PTPRM: variants seen among roughly 807,000 people sequenced by gnomAD.
PTPRM encodes the protein receptor-type tyrosine-protein phosphatase mu.
Under a neutral mutation model 186.7 loss-of-function variants are expected in PTPRM, and 47 were observed. The observed-to-expected ratio is 0.25, with a 90% CI of 0.20 to 0.32. The LOEUF (loss-of-function observed/expected upper bound fraction) is 0.32. Among genes scored for constraint, PTPRM ranks in the 10% least tolerant of loss-of-function variants. The pLI is 1.00. For missense variants in PTPRM, 1,494 were observed against 1,865.0 expected (o/e 0.80, Z 3.66); for synonymous variants, 668 against 674.9 (o/e 0.99, Z 0.16).
chr18:7,783,344 G>C (rs778372385), intron 2 of PTPRM, among the ~76,000 whole-genome samples: 4 of 152,124 alleles, frequency 2.6e-5, no homozygotes, highest in Non-Finnish European at 5.9e-5. Context: ...AATTTACTGG[G>C]ACAGAGAAAC....
At chr18:8,370,323 C>T (rs551657199) in intron 23 of PTPRM, among the ~76,000 whole-genome samples, 4 of 152,232 alleles carry the variant, frequency 2.6e-5, no homozygotes, top group Admixed American at 6.5e-5. Context: ...TAGTTAGAGG[C>T]TTCAGACAAT....
At chr18:8,091,842 T>G (rs1439219048) in intron 11 of PTPRM, among the ~76,000 whole-genome samples, 1 of 152,162 alleles carries the variant, frequency 6.6e-6, no homozygotes, top group Admixed American at 6.6e-5. Flanking sequence ...AGCCATAATG[T>G]AAATTAAAAC....
intron 19 of PTPRM, among the ~76,000 whole-genome samples, chr18:8,272,300 C>A (rs974211506): frequency 4.7e-5 from 7 of 150,112 alleles, no homozygotes; most frequent in African/African-American, 2.4e-5. Context: ...TTAAAAATTT[C>A]TTTTAATACT....
chr18:8,362,155 C>T (rs1171608107), intron 23 of PTPRM, among the ~76,000 whole-genome samples: 1 of 152,214 alleles, frequency 6.6e-6, no homozygotes, highest in Non-Finnish European at 1.5e-5. Context: ...TGCCAGACAC[C>T]TAGTCCTGGG....
At chr18:8,172,783 G>T (rs76877894) in intron 14 of PTPRM, among the ~76,000 whole-genome samples, 1 of 152,158 alleles carries the variant, frequency 6.6e-6, no homozygotes, top group Admixed American at 6.5e-5. Flanking sequence ...CAAATCTGTG[G>T]TCCTGATTCT....
At chr18:8,043,426 T>A (rs1942953) in intron 7 of PTPRM, among the ~76,000 whole-genome samples, 4 of 152,018 alleles carry the variant, frequency 2.6e-5, no homozygotes, top group African/African-American at 9.7e-5. Context: ...CCACTCTGCC[T>A]GGATTGTTTC....
intron 7 of PTPRM, among the ~76,000 whole-genome samples, chr18:7,990,185 T>C (rs1258140974): frequency 6.6e-6 from 1 of 152,208 alleles, no homozygotes; most frequent in Non-Finnish European, 1.5e-5. Context: ...ATTACAGGCA[T>C]GAGCCACTGC....
chr18:8,087,397 A>C (rs1294654785), intron 10 of PTPRM, among the ~76,000 whole-genome samples: 1 of 152,120 alleles, frequency 6.6e-6, no homozygotes, highest in Non-Finnish European at 1.5e-5. Flanking sequence ...ACTTATAAAG[A>C]AAAGAGGTTT....
At chr18:8,189,288 CAA>C (rs34633889) in intron 14 of PTPRM, among the ~76,000 whole-genome samples, 13 of 116,498 alleles carry the variant, frequency 1.1e-4, no homozygotes, top group Admixed American at 8.6e-5. Context: ...AGACTCGTCT[CAA>C]AAAAAAAAAA....
chr18:7,887,007 G>A (rs2048821342), intron 2 of PTPRM, among the ~76,000 whole-genome samples: 1 of 151,996 alleles, frequency 6.6e-6, no homozygotes, highest in Admixed American at 6.6e-5. Flanking sequence ...ATAATGTGTG[G>A]GTAGACAATA....
chr18:7,687,761 A>G (rs530068674), intron 1 of PTPRM, among the ~76,000 whole-genome samples: 1 of 151,868 alleles, frequency 6.6e-6, no homozygotes, highest in Admixed American at 6.6e-5. Flanking sequence ...CATGGAGCAT[A>G]AACAAGGAGC....
chr18:8,396,453 C>T (rs1161724993), intron 32 of PTPRM, among the ~76,000 whole-genome samples: 2 of 152,198 alleles, frequency 1.3e-5, no homozygotes, highest in African/African-American at 4.8e-5. Context: ...CCTCTAATGG[C>T]TCCAGCTGCA....
Position 7,849,238 on chromosome 18 carries a change from A to C in PTPRM, c.197-38868A>C, listed in dbSNP as rs1360707878. On this transcript the variant is annotated intron_variant, in intron 2 of 32. Coordinates refer to ENST00000580170, the MANE Select transcript of PTPRM (RefSeq NM_001105244.2). ...TTCCTATGTCTATGACTGCAGGTAA[A>C]ATGTCTCAAGTTTCATTGGGGATTC... 2.6e-5 allele frequency among the ~76,000 whole-genome samples: 4 copies of C among 152,304 alleles called. No homozygotes were observed. In the South Asian group the frequency reaches 6.2e-4, roughly 24 times the overall value.
chr18:7,688,804 G>A (rs1157519126), intron 1 of PTPRM, among the ~76,000 whole-genome samples: 1 of 152,102 alleles, frequency 6.6e-6, no homozygotes, highest in Non-Finnish European at 1.5e-5. Flanking sequence ...ATTTGATTTT[G>A]TCAGCCAGGG....
intron 3 of PTPRM, among the ~76,000 whole-genome samples, chr18:7,899,044 C>A (rs910970708): frequency 6.6e-6 from 1 of 152,224 alleles, no homozygotes; most frequent in Admixed American, 6.5e-5. Flanking sequence ...ACCACTGTAA[C>A]TCATGCTGAC....
intron 1 of PTPRM, among the ~76,000 whole-genome samples, chr18:7,618,573 T>C (rs1317003459): frequency 6.6e-6 from 1 of 152,050 alleles, no homozygotes; most frequent in African/African-American, 2.4e-5. Context: ...CAAAAATAAA[T>C]CCCCAAACCT....
Position 8,281,655 on chromosome 18 carries a change from G to A in PTPRM, c.2755-14713G>A, listed in dbSNP as rs530904184. ...AAGTTTCAATAACCCTAAGAAATGA[G>A]TGCCACCTCCCTGTTCACTCATTTA... On this transcript the variant is annotated intron_variant, in intron 19 of 32. Coordinates refer to ENST00000580170, the MANE Select transcript of PTPRM (RefSeq NM_001105244.2). Among the ~76,000 whole-genome samples, 3 of 152,178 alleles carry A rather than the reference G, an allele frequency of 2.0e-5. No individual in the cohort carries two copies. In the South Asian group the frequency reaches 6.2e-4, roughly 32 times the overall value.
intron 22 of PTPRM, among the ~76,000 whole-genome samples, chr18:8,342,804 T>C (rs900488086): frequency 7.2e-5 from 11 of 152,202 alleles, no homozygotes. Flanking sequence ...AAGAGCTTTT[T>C]AATGCTCAGA....
At chr18:8,104,410 A>G (rs2091428415) in intron 11 of PTPRM, among the ~76,000 whole-genome samples, 1 of 152,058 alleles carries the variant, frequency 6.6e-6, no homozygotes, top group African/African-American at 2.4e-5. Context: ...CCTTGTTATT[A>G]TTTTTAAGCT....
Sources: gnomAD v4.1 joint callset for allele counts (sites outside exome capture counted in the v4.1 genomes callset) on GRCh38, gnomAD v4.1.1 for gene constraint, MANE v1.5 for transcripts, NCBI Gene and HGNC (gene_info 2026-07-23, HGNC 2026-07-21) for gene names.